Variants in PDE8A observed in about 807,000 individuals in gnomAD.
PDE8A encodes the protein phosphodiesterase 8A.
In PDE8A, 59 loss-of-function variants were observed where a neutral mutation model predicts 105.0. The observed-to-expected ratio is 0.56, with a 90% confidence interval of 0.46 to 0.70. The LOEUF (loss-of-function observed/expected upper bound fraction) is 0.70. PDE8A is among the 30% of genes least tolerant of loss of function. The probability of loss-of-function intolerance (pLI) is 0.00; values close to 1 mark genes in which losing one functional copy is unlikely to be tolerated. For missense variants in PDE8A, 1,014 were observed against 1,045.9 expected (o/e 0.97, Z 0.42); for synonymous variants, 355 against 371.9 (o/e 0.95, Z 0.52).
At chr15:85,035,974 A>C (rs1596462125) in intron 1 of PDE8A, among the ~76,000 whole-genome samples, 1 of 152,226 alleles carries the variant, frequency 6.6e-6, no homozygotes, top group African/African-American at 2.4e-5. Context: ...TGCTAATGCC[A>C]CCTTTCCAAA....
At chr15:85,089,551 C>G in intron 7 of PDE8A, 135 bp downstream of exon 7, 1 of 541,400 alleles carries the variant, frequency 1.8e-6, no homozygotes. Context: ...CGAGGATTAT[C>G]AGAACAAAAT....
At chr15:85,041,098 C>G (rs1018120320) in intron 1 of PDE8A, among the ~76,000 whole-genome samples, 2 of 152,142 alleles carry the variant, frequency 1.3e-5, no homozygotes, top group Non-Finnish European at 2.9e-5. Context: ...TAGGGTAATG[C>G]AAGTGCAGGC....
At chr15:85,016,612 AG>A (rs1410403873) in intron 1 of PDE8A, among the ~76,000 whole-genome samples, 1 of 152,118 alleles carries the variant, frequency 6.6e-6, no homozygotes, top group Non-Finnish European at 1.5e-5. Context: ...TTCCCTTTTC[AG>A]GGTCTTCTGG....
intron 1 of PDE8A, among the ~76,000 whole-genome samples, chr15:84,993,165 T>C (rs74438931): frequency 0.013 from 1,985 of 152,294 alleles, 19 homozygotes; most frequent in African/African-American, 0.026. Context: ...AAGGATCGGC[T>C]GGGCGTGGTG....
chr15:84,988,924 T>G (rs1303370241), intron 1 of PDE8A, among the ~76,000 whole-genome samples: 1 of 152,258 alleles, frequency 6.6e-6, no homozygotes, highest in Non-Finnish European at 1.5e-5. Context: ...CTGAAAGGGC[T>G]TTTATTCATG....
chr15:84,981,749 G>A (rs893137937), upstream of PDE8A, among the ~76,000 whole-genome samples: 9 of 150,022 alleles, frequency 6.0e-5, no homozygotes, highest in Non-Finnish European at 1.3e-4. Context: ...CGCCTCCCCC[G>A]GGGGTCGTGC....
intron 17 of PDE8A, 88 bp from the exon 18 acceptor site, chr15:85,120,708 GA>G: frequency 1.3e-6 from 1 of 776,788 alleles, no homozygotes; most frequent in Non-Finnish European, 2.1e-6. Context: ...ATTCTTACCT[GA>G]AAGTAATAGG....
At chr15:85,011,360 A>G (rs1261029205) in intron 1 of PDE8A, among the ~76,000 whole-genome samples, 1 of 152,126 alleles carries the variant, frequency 6.6e-6, no homozygotes, top group Non-Finnish European at 1.5e-5. Flanking sequence ...GCCAGAGAGT[A>G]CTGGTCCAAA....
intron 1 of PDE8A, among the ~76,000 whole-genome samples, chr15:85,007,038 C>A (rs1157506993): frequency 3.3e-5 from 5 of 152,146 alleles, no homozygotes; most frequent in African/African-American, 1.2e-4. Flanking sequence ...TTTGGCCATT[C>A]TTCTGTACAT....
chr15:85,115,042 G>A (rs2082074535), intron 14 of PDE8A, among the ~76,000 whole-genome samples: 1 of 152,124 alleles, frequency 6.6e-6, no homozygotes, highest in Non-Finnish European at 1.5e-5. Flanking sequence ...CTCAGAGTGA[G>A]GAGGGTTGCA....
At chr15:85,095,891 ATTTTTT>A (rs1355768607) in intron 8 of PDE8A, among the ~76,000 whole-genome samples, 1 of 148,962 alleles carries the variant, frequency 6.7e-6, no homozygotes, top group African/African-American at 2.5e-5. Flanking sequence ...TTATATATAT[ATTTTTT>A]GTTTTTGTTT....
chr15:85,107,512 G>C (rs112846600), intron 11 of PDE8A, among the ~76,000 whole-genome samples: 1 of 152,204 alleles, frequency 6.6e-6, no homozygotes, highest in Non-Finnish European at 1.5e-5. Flanking sequence ...AAATGTCTGA[G>C]CTTGGACAGG....
intron 8 of PDE8A, among the ~76,000 whole-genome samples, chr15:85,094,711 T>C (rs544992731): frequency 9.9e-5 from 15 of 152,284 alleles, no homozygotes; most frequent in South Asian, 2.1e-4. Context: ...TCCACAAGCA[T>C]TGATGGCTGT....
At chr15:85,134,685 T>G (rs1362158699) in intron 20 of PDE8A, among the ~76,000 whole-genome samples, 1 of 152,228 alleles carries the variant, frequency 6.6e-6, no homozygotes, top group Non-Finnish European at 1.5e-5. Flanking sequence ...AACACTTACC[T>G]AGCATACACG....
intron 1 of PDE8A, among the ~76,000 whole-genome samples, chr15:85,026,130 C>T (rs2080512277): frequency 6.6e-6 from 1 of 152,170 alleles, no homozygotes; most frequent in African/African-American, 2.4e-5. Flanking sequence ...ATGCCTAGCA[C>T]TATTGTTCCA....
intron 7 of PDE8A, chr15:85,090,638 G>C (rs999196286): frequency 3.0e-5 from 10 of 336,022 alleles, no homozygotes; most frequent in African/African-American, 1.7e-4. Flanking sequence ...ATGTGTGGAG[G>C]GGGAGGACAG....
chr15:85,031,931 T>C (rs914625506), intron 1 of PDE8A, among the ~76,000 whole-genome samples: 1 of 152,212 alleles, frequency 6.6e-6, no homozygotes, highest in African/African-American at 2.4e-5. Context: ...CAGACACTTG[T>C]TGGAATATTT....
intron 1 of PDE8A, among the ~76,000 whole-genome samples, chr15:85,009,847 T>A (rs544349594): frequency 6.6e-6 from 1 of 152,320 alleles, no homozygotes; most frequent in East Asian, 1.9e-4. Flanking sequence ...TCCATTGTAG[T>A]ATTAGTCGTA....
At chr15:84,994,825 A>G (rs781778800) in intron 1 of PDE8A, among the ~76,000 whole-genome samples, 1 of 152,122 alleles carries the variant, frequency 6.6e-6, no homozygotes, top group Non-Finnish European at 1.5e-5. Flanking sequence ...TTAGCTGGGC[A>G]TGGTGGCAGG....
Sources: gnomAD v4.1 joint callset for allele counts (sites outside exome capture counted in the v4.1 genomes callset) on GRCh38, gnomAD v4.1.1 for gene constraint, MANE v1.5 for transcripts, NCBI Gene and HGNC (gene_info 2026-07-23, HGNC 2026-07-21) for gene names.